Variants in SOX6 observed in about 807,000 individuals in gnomAD.
The protein encoded by SOX6 is SRY-box transcription factor 6.
Under a neutral mutation model 97.8 loss-of-function variants are expected in SOX6, and 11 were observed. The observed-to-expected ratio is 0.11, with a 90% CI of 0.07 to 0.19. The LOEUF (loss-of-function observed/expected upper bound fraction) is 0.19. Ranked by LOEUF, SOX6 falls within the 10% of genes least tolerant of loss-of-function variation. The pLI, the probability that SOX6 is intolerant of heterozygous loss-of-function variation, is 1.00. For missense variants in SOX6, 810 were observed against 1,039.5 expected, an observed-to-expected ratio of 0.78 and a Z score of 3.04; for synonymous variants, 360 against 371.4, an observed-to-expected ratio of 0.97 and a Z score of 0.35.
At chr11:16,139,671 A>G (rs987399770) in intron 6 of SOX6, among the ~76,000 whole-genome samples, 2 of 151,556 alleles carry the variant, frequency 1.3e-5, no homozygotes, top group African/African-American at 4.8e-5. Flanking sequence ...TCAGAAGCAC[A>G]GTTTTTAGAA....
intron 3 of SOX6, among the ~76,000 whole-genome samples, chr11:16,621,108 G>C (rs933991084): frequency 6.6e-6 from 1 of 152,098 alleles, no homozygotes; most frequent in Non-Finnish European, 1.5e-5. Flanking sequence ...TACATAAGAG[G>C]TGTCCTGTAA....
At chr11:16,095,645 T>A (rs1277161402) in intron 9 of SOX6, among the ~76,000 whole-genome samples, 3 of 151,980 alleles carry the variant, frequency 2.0e-5, no homozygotes, top group East Asian at 3.9e-4. Context: ...GTCAAATAAT[T>A]TTTTAATGTT....
chr11:16,524,645 G>C lies in SOX6; in HGVS notation n.610-48257C>G, dbSNP rs573716251. Among the ~76,000 whole-genome samples, 11 of 151,826 alleles carry C rather than the reference G, an allele frequency of 7.2e-5. No homozygotes were observed. The East Asian group carries it at 1.2e-3, about 16-fold the overall frequency. On this transcript the variant is annotated intron_variant and non_coding_transcript_variant, in intron 4 of 5. Coordinates refer to the SOX6 transcript ENST00000524520. ...AGTTCTGGCCAGGGCAATTAGGCAG[G>C]AGAAGGAAATAAAGGGTATTCAATT...
At chr11:16,380,947 T>A (rs1232836788) in intron 1 of SOX6, among the ~76,000 whole-genome samples, 1 of 152,092 alleles carries the variant, frequency 6.6e-6, no homozygotes, top group Non-Finnish European at 1.5e-5. Context: ...TCTAAACATA[T>A]GATCTTGAGC....
intron 1 of SOX6, among the ~76,000 whole-genome samples, chr11:16,396,906 A>G (rs1342237132): frequency 2.6e-5 from 4 of 151,460 alleles, no homozygotes; most frequent in Non-Finnish European, 4.4e-5. Context: ...ATTCACAAAT[A>G]CCATAAAAGC....
At chr11:16,486,516 A>C (rs941253769) in intron 4 of SOX6, among the ~76,000 whole-genome samples, 12 of 152,168 alleles carry the variant, frequency 7.9e-5, no homozygotes, top group Non-Finnish European at 1.5e-5. Flanking sequence ...CATTATCAAA[A>C]CATAATCCAC....
At chr11:16,108,509 T>C (rs1849153184) in intron 7 of SOX6, among the ~76,000 whole-genome samples, 1 of 152,186 alleles carries the variant, frequency 6.6e-6, no homozygotes, top group Admixed American at 6.6e-5. Flanking sequence ...TCTATCTTAC[T>C]CTTGATTGGT....
intron 4 of SOX6, among the ~76,000 whole-genome samples, chr11:16,546,835 T>C (rs185869586): frequency 7.6e-4 from 115 of 152,208 alleles, no homozygotes; most frequent in Non-Finnish European, 1.2e-3. Context: ...ACCTGTGGAA[T>C]GGGAGAAAAT....
At chr11:16,705,045 G>GCGGGTGGA (rs1174194828) in intron 3 of SOX6, among the ~76,000 whole-genome samples, 1 of 151,878 alleles carries the variant, frequency 6.6e-6, no homozygotes, top group African/African-American at 2.4e-5. Flanking sequence ...ATCACCTGAG[G>GCGGGTGGA]TCAGGAGTTC....
intron 4 of SOX6, among the ~76,000 whole-genome samples, chr11:16,507,135 T>G (rs1173748429): frequency 6.6e-6 from 1 of 152,080 alleles, no homozygotes; most frequent in Admixed American, 6.6e-5. Flanking sequence ...TCACTCTTCC[T>G]CCTGACAGCC....
chr11:16,503,839 T>C (rs1313194211), intron 4 of SOX6, among the ~76,000 whole-genome samples: 1 of 151,958 alleles, frequency 6.6e-6, no homozygotes, highest in Non-Finnish European at 1.5e-5. Flanking sequence ...GGTCAGGAGA[T>C]TGAAACCATC....
intron 4 of SOX6, among the ~76,000 whole-genome samples, chr11:16,497,967 T>C (rs377057588): frequency 1.3e-5 from 2 of 152,038 alleles, no homozygotes; most frequent in East Asian, 1.9e-4. Context: ...ATACAGAGAA[T>C]GCCACAAAGA....
At chr11:16,569,413 T>C (rs1847912716) in intron 4 of SOX6, among the ~76,000 whole-genome samples, 1 of 152,124 alleles carries the variant, frequency 6.6e-6, no homozygotes, top group South Asian at 2.1e-4. Context: ...TAATTATGTG[T>C]TAACAGAAAT....
intron 3 of SOX6, among the ~76,000 whole-genome samples, chr11:16,245,168 T>C (rs1445881628): frequency 6.6e-6 from 1 of 151,784 alleles, no homozygotes; most frequent in Non-Finnish European, 1.5e-5. Flanking sequence ...ACTTTACAAT[T>C]TTCCTTGTTC....
At chr11:16,715,282 T>C (rs1239999609) in intron 2 of SOX6, among the ~76,000 whole-genome samples, 1 of 152,228 alleles carries the variant, frequency 6.6e-6, no homozygotes, top group Non-Finnish European at 1.5e-5. Flanking sequence ...AATAATACTA[T>C]TTTTGATATG....
intron 3 of SOX6, among the ~76,000 whole-genome samples, chr11:16,699,717 A>G (rs1190779817): frequency 6.6e-6 from 1 of 152,158 alleles, no homozygotes; most frequent in Non-Finnish European, 1.5e-5. Context: ...CTTGACAATA[A>G]GACACATACA....
intron 14 of SOX6, among the ~76,000 whole-genome samples, chr11:15,987,060 A>G (rs1214856263): frequency 2.6e-5 from 4 of 152,242 alleles, no homozygotes; most frequent in African/African-American, 9.6e-5. Context: ...TAAAAGTACA[A>G]AAATTTTAAT....
At chr11:16,273,560 C>A (rs570022352) in intron 3 of SOX6, among the ~76,000 whole-genome samples, 1 of 151,988 alleles carries the variant, frequency 6.6e-6, no homozygotes, top group East Asian at 1.9e-4. Flanking sequence ...AGTTCTCCCC[C>A]ACATCTACCT....
intron 4 of SOX6, among the ~76,000 whole-genome samples, chr11:16,204,821 A>C (rs530308005): frequency 7.2e-5 from 11 of 152,294 alleles, no homozygotes; most frequent in African/African-American, 2.2e-4. Context: ...ACAAATAAGA[A>C]AGCTGAAAGC....
Sources: allele counts gnomAD v4.1 joint callset (sites outside exome capture counted in the v4.1 genomes callset), GRCh38; gene constraint gnomAD v4.1.1; transcripts MANE v1.5; gene names NCBI Gene and HGNC (gene_info 2026-07-23, HGNC 2026-07-21).